Variants in DENND1A observed in about 807,000 individuals in gnomAD.
DENND1A encodes DENN domain containing 1A.
Under a neutral mutation model 113.7 loss-of-function variants are expected in DENND1A, and 51 were observed. The ratio of observed to expected loss-of-function variants is 0.45; its 90% CI spans 0.36 to 0.57. The LOEUF is 0.57. DENND1A is among the 20% of genes least tolerant of loss of function. The pLI is 0.00. For missense variants in DENND1A, 1,258 were observed against 1,395.9 expected, an observed-to-expected ratio of 0.90 and a Z score of 1.57; for synonymous variants, 565 against 570.8, an observed-to-expected ratio of 0.99 and a Z score of 0.14.
At chr9:123,807,806 A>C (rs1161587102) in intron 2 of DENND1A, among the ~76,000 whole-genome samples, 1 of 152,234 alleles carries the variant, frequency 6.6e-6, no homozygotes, top group East Asian at 1.9e-4. Flanking sequence ...TAAGCTTCAC[A>C]ACTCTGTAAC....
intron 6 of DENND1A, among the ~76,000 whole-genome samples, chr9:123,672,609 G>A (rs1269258939): frequency 6.6e-6 from 1 of 152,138 alleles, no homozygotes; most frequent in African/African-American, 2.4e-5. Flanking sequence ...GGACCTTTAA[G>A]AGTGAGTACA....
chr9:123,646,707 A>G (rs1294213820), intron 9 of DENND1A, among the ~76,000 whole-genome samples: 1 of 151,970 alleles, frequency 6.6e-6, no homozygotes, highest in Non-Finnish European at 1.5e-5. Flanking sequence ...CTTATCGAGG[A>G]CCTATGATAC....
chr9:123,921,911 C>A (rs118069990), intron 1 of DENND1A, among the ~76,000 whole-genome samples: 1 of 139,958 alleles, frequency 7.1e-6, no homozygotes, highest in Non-Finnish European at 1.5e-5. Flanking sequence ...TCAAAGCCAT[C>A]CTTTTTTTTT....
chr9:123,403,285 C>A (rs1564424646), intron 21 of DENND1A, 117 bp downstream of exon 21: 7 of 1,011,026 alleles, frequency 6.9e-6, no homozygotes, highest in Non-Finnish European at 1.0e-5. Flanking sequence ...GTGAAACACC[C>A]GCTGGGAGCC....
chr9:123,646,136 A>C (rs1446598193), intron 9 of DENND1A, among the ~76,000 whole-genome samples: 1 of 152,220 alleles, frequency 6.6e-6, no homozygotes, highest in Non-Finnish European at 1.5e-5. Context: ...TTATTAATTT[A>C]TTATAAACGT....
At chr9:123,448,513 C>T (rs2047474299) in intron 18 of DENND1A, among the ~76,000 whole-genome samples, 1 of 152,188 alleles carries the variant, frequency 6.6e-6, no homozygotes, top group African/African-American at 2.4e-5. Context: ...AGCCTACGAT[C>T]CAGGCATCAA....
At chr9:123,798,657 A>T (rs1244756628) in intron 2 of DENND1A, 1 of 151,880 alleles carries the variant, frequency 6.6e-6, no homozygotes, top group Non-Finnish European at 1.5e-5. Context: ...TGAATCCAAA[A>T]ATCAAACATA....
chr9:123,796,689 T>C (rs534972582), intron 2 of DENND1A, among the ~76,000 whole-genome samples: 50 of 151,560 alleles, frequency 3.3e-4, no homozygotes, highest in African/African-American at 1.1e-3. Flanking sequence ...AAATGCAAAA[T>C]AATTCATAAA....
At chr9:123,792,874 C>T (rs1833209196) in intron 2 of DENND1A, among the ~76,000 whole-genome samples, 2 of 152,146 alleles carry the variant, frequency 1.3e-5, no homozygotes, top group African/African-American at 4.8e-5. Flanking sequence ...AGACTATTAC[C>T]TAATGCAAAA....
At chr9:123,557,059 A>G (rs2057457653) in intron 13 of DENND1A, among the ~76,000 whole-genome samples, 1 of 152,206 alleles carries the variant, frequency 6.6e-6, no homozygotes, top group Non-Finnish European at 1.5e-5. Flanking sequence ...AGGAGCCATG[A>G]GGCGTGAGAC....
intron 12 of DENND1A, among the ~76,000 whole-genome samples, chr9:123,561,230 G>A (rs1023453278): frequency 2.0e-5 from 3 of 152,114 alleles, no homozygotes; most frequent in African/African-American, 7.2e-5. Flanking sequence ...GATTCACAAC[G>A]CTGCACTTCA....
intron 21 of DENND1A, among the ~76,000 whole-genome samples, chr9:123,397,255 A>T (rs1327574301): frequency 6.6e-6 from 1 of 152,134 alleles, no homozygotes; most frequent in Admixed American, 6.5e-5. Context: ...CCTGGGTTCA[A>T]ATGATTCTCC....
At chr9:123,604,559 A>G (rs1342210873) in intron 11 of DENND1A, among the ~76,000 whole-genome samples, 1 of 152,226 alleles carries the variant, frequency 6.6e-6, no homozygotes, top group Admixed American at 6.5e-5. Flanking sequence ...ACACTGGGAT[A>G]TGCTGTCCAT....
chr9:123,827,529 T>C (rs1334153649), intron 2 of DENND1A, among the ~76,000 whole-genome samples: 3 of 151,896 alleles, frequency 2.0e-5, no homozygotes, highest in Non-Finnish European at 4.4e-5. Context: ...CACACACACA[T>C]GTACATGTAC....
intron 11 of DENND1A, among the ~76,000 whole-genome samples, chr9:123,604,004 T>C (rs1257526199): frequency 1.3e-5 from 2 of 152,204 alleles, no homozygotes; most frequent in Non-Finnish European, 2.9e-5. Flanking sequence ...AAGGACTGTG[T>C]TTCTAATGGC....
chr9:123,806,094 C>A (rs903038160), intron 2 of DENND1A, among the ~76,000 whole-genome samples: 1 of 151,450 alleles, frequency 6.6e-6, no homozygotes, highest in Non-Finnish European at 1.5e-5. Context: ...GCTGGGATTA[C>A]AAGCACCCGC....
intron 9 of DENND1A, among the ~76,000 whole-genome samples, chr9:123,639,678 G>A (rs2061920730): frequency 6.6e-6 from 1 of 150,948 alleles, no homozygotes; most frequent in African/African-American, 2.4e-5. Context: ...TCGGGAGGCT[G>A]AGGCAGAAGA....
intron 1 of DENND1A, among the ~76,000 whole-genome samples, chr9:123,927,318 AATG>A (rs1857285898): frequency 6.6e-6 from 1 of 152,220 alleles, no homozygotes; most frequent in African/African-American, 2.4e-5. Context: ...ATTTTTTAAT[AATG>A]AGACAATGTT....
At chr9:123,803,624 T>G (rs1391059880) in intron 2 of DENND1A, among the ~76,000 whole-genome samples, 1 of 152,170 alleles carries the variant, frequency 6.6e-6, no homozygotes, top group Non-Finnish European at 1.5e-5. Flanking sequence ...CTCCATCCCC[T>G]CTTGCCAACT....
Sources: allele counts gnomAD v4.1 joint callset (sites outside exome capture counted in the v4.1 genomes callset), GRCh38; gene constraint gnomAD v4.1.1; transcripts MANE v1.5; gene names NCBI Gene and HGNC (gene_info 2026-07-23, HGNC 2026-07-21).